DLC1: variants seen among roughly 807,000 people sequenced by gnomAD.
DLC1 encodes DLC1 Rho GTPase activating protein, also known as rho GTPase-activating protein 7.
A neutral mutation model predicts 140.3 loss-of-function variants in DLC1; 54 were observed. That is an observed-to-expected ratio of 0.38 (90% CI 0.31 to 0.48). The LOEUF (loss-of-function observed/expected upper bound fraction) is 0.48, where lower values mean the gene tolerates loss of function less well. Among genes scored for constraint, DLC1 ranks in the 20% least tolerant of loss-of-function variants. DLC1 has a pLI of 0.96. For synonymous variants in DLC1, 986 were observed against 728.1 expected, an observed-to-expected ratio of 1.35 and a Z score of -5.70; for missense variants, 2,536 against 1,907.0, an observed-to-expected ratio of 1.33 and a Z score of -6.14.
intron 5 of DLC1, among the ~76,000 whole-genome samples, chr8:13,282,325 G>T (rs118174905): frequency 1.8e-4 from 28 of 152,256 alleles, no homozygotes; most frequent in Non-Finnish European, 4.0e-4. Flanking sequence ...AAAATATTTA[G>T]CAGAGAGGTA....
chr8:13,568,164 C>A (rs1459605518), intron 1 of DLC1: 1 of 531,072 alleles, frequency 1.9e-6, no homozygotes, highest in Non-Finnish European at 3.3e-6. Flanking sequence ...GTAGTTTGGG[C>A]CAGGATGTTG....
chr8:13,382,289 C>T lies in DLC1; in HGVS notation c.1314+11264G>A, dbSNP rs1197196417. On this transcript the variant is annotated intron_variant, in intron 4 of 17. Coordinates refer to ENST00000276297, the MANE Select transcript of DLC1 (RefSeq NM_182643.3). ...TTGGGAGGCCGAGGCGGGCGGATCA[C>T]GAGGTCAGGAGATCGAGACCATCCT... is the stretch of plus-strand genomic sequence containing the variant. 2.6e-5 allele frequency among the ~76,000 whole-genome samples: 4 copies of T among 151,554 alleles called. No individual in the cohort carries two copies. In the South Asian group the frequency reaches 6.2e-4, roughly 24 times the overall value.
chr8:13,107,534 A>G (rs1322111365), intron 7 of DLC1, among the ~76,000 whole-genome samples: 2 of 152,234 alleles, frequency 1.3e-5, no homozygotes, highest in Non-Finnish European at 2.9e-5. Flanking sequence ...GGCAAAGACA[A>G]AAGTCTATAA....
intron 5 of DLC1, among the ~76,000 whole-genome samples, chr8:13,196,127 C>CGT (rs1276072097): frequency 1.9e-4 from 28 of 150,462 alleles, no homozygotes; most frequent in Non-Finnish European, 3.1e-4. Context: ...CACACACACA[C>CGT]ACGTGAACTC....
Position 13,099,544 on chromosome 8 carries a change from T to C in DLC1, c.2793A>G (p.Gly931=). 6.2e-7 allele frequency: 1 copy of C among 1,614,100 alleles called. No individual in the cohort carries two copies. The highest frequency in any genetic ancestry group is 8.5e-7 in the Non-Finnish European group (1 of 1,180,026). The change falls in exon 9 of 18, where the codon GGA becomes GGG. Residue 931 remains glycine (G), a synonymous_variant. Transcript: ENST00000276297. ...NQWSEKFSDE[G]DSDSALDSVS... Reference sequence around the variant, plus strand: ...CCGAGTCCAGGGCTGAGTCCGAATCTCCCTCATCAGAAAACTTCTCCGACC... The same window carrying C: ...CCGAGTCCAGGGCTGAGTCCGAATCCCCCTCATCAGAAAACTTCTCCGACC...
chr8:13,276,304 G>T, intron 5 of DLC1: 3 of 1,535,478 alleles, frequency 2.0e-6, no homozygotes, highest in Non-Finnish European at 2.6e-6. Context: ...ATGACATCCA[G>T]GGCTCTGGCC....
intron 4 of DLC1, among the ~76,000 whole-genome samples, chr8:13,308,612 C>T (rs1832550888): frequency 1.3e-5 from 2 of 152,148 alleles, no homozygotes; most frequent in African/African-American, 4.8e-5. Context: ...ACATGCCTCA[C>T]ATTATCCTAG....
chr8:13,214,647 A>T lies in DLC1; in HGVS notation c.1348+90622T>A, dbSNP rs767020970. ...CGGCCTAGGTGATGTTTTCTTCTCC[A>T]GCAACATGGAAAAGCCTCTTCTGGG... On this transcript the variant is annotated intron_variant, in intron 5 of 17. Transcript: ENST00000276297. 7.7e-6 allele frequency: 6 copies of T among 775,886 alleles called. No homozygotes were observed. In the South Asian group the frequency reaches 8.1e-5, roughly 10 times the overall value. 48.1% of individuals were successfully genotyped at this position (775,886 alleles called of 1,614,324 possible).
At chr8:13,178,164 T>G (rs1036115327) in intron 5 of DLC1, among the ~76,000 whole-genome samples, 2 of 151,932 alleles carry the variant, frequency 1.3e-5, no homozygotes, top group African/African-American at 4.8e-5. Context: ...AAGTGAAAAG[T>G]AAACAATATA....
chr8:13,497,762 G>A (rs1405611923), intron 2 of DLC1, among the ~76,000 whole-genome samples: 1 of 152,134 alleles, frequency 6.6e-6, no homozygotes, highest in Admixed American at 6.5e-5. Context: ...TTTTGAAAAA[G>A]TGATCTAAAC....
chr8:13,406,022 T>G lies in DLC1; in HGVS notation c.1024-4403A>C, dbSNP rs1445297144. Among the ~76,000 whole-genome samples the G allele has an allele frequency of 5.6e-5, 8 of 144,026 alleles. No individual in the cohort carries two copies. In the East Asian group the frequency reaches 5.8e-4, roughly 11 times the overall value. The allele number at this position is 144,026 out of a possible 152,430, so 94.5% of individuals were successfully genotyped here. On this transcript the variant is annotated intron_variant, in intron 2 of 17. Coordinates refer to ENST00000276297, the MANE Select transcript of DLC1 (RefSeq NM_182643.3). ...TTTATTCTTCTTCTTTTTTTTTTTTTGGGAGATGGAGTCCAGCTCTGTCTC... is the reference window on the plus strand; with the variant it reads ...TTTATTCTTCTTCTTTTTTTTTTTTGGGGAGATGGAGTCCAGCTCTGTCTC...
chr8:13,373,009 C>T (rs1009452089), intron 4 of DLC1, among the ~76,000 whole-genome samples: 4 of 152,086 alleles, frequency 2.6e-5, no homozygotes, highest in African/African-American at 9.7e-5. Flanking sequence ...ACCCAAATTA[C>T]AATTTATTTT....
intron 5 of DLC1, among the ~76,000 whole-genome samples, chr8:13,181,817 A>G (rs1180110499): frequency 6.6e-6 from 1 of 152,164 alleles, no homozygotes; most frequent in African/African-American, 2.4e-5. Context: ...GTGTCTTTAT[A>G]GTAGCATGAT....
chr8:13,101,534 G>C (rs923723330), intron 8 of DLC1, among the ~76,000 whole-genome samples: 2 of 152,154 alleles, frequency 1.3e-5, no homozygotes, highest in African/African-American at 4.8e-5. Context: ...TAAATCTCTA[G>C]ACACTAAAAA....
chr8:13,269,120 G>A (rs1338802855), intron 5 of DLC1, among the ~76,000 whole-genome samples: 1 of 151,794 alleles, frequency 6.6e-6, no homozygotes, highest in Non-Finnish European at 1.5e-5. Flanking sequence ...TGATCTGCCC[G>A]CCTCAGCCTT....
intron 5 of DLC1, among the ~76,000 whole-genome samples, chr8:13,244,349 G>A (rs955683624): frequency 3.5e-4 from 53 of 149,822 alleles, no homozygotes; most frequent in Non-Finnish European, 3.7e-4. Context: ...TCAGACTGGA[G>A]TGCAGTGGTG....
intron 2 of DLC1, among the ~76,000 whole-genome samples, chr8:13,491,314 T>G (rs1801228896): frequency 6.6e-6 from 1 of 151,918 alleles, no homozygotes; most frequent in African/African-American, 2.4e-5. Flanking sequence ...TTCTCTCCAC[T>G]CCACCCCCAA....
At chr8:13,366,545 A>G (rs1835490477) in intron 4 of DLC1, among the ~76,000 whole-genome samples, 2 of 152,240 alleles carry the variant, frequency 1.3e-5, no homozygotes, top group South Asian at 4.1e-4. Context: ...AAAGCTGGGG[A>G]AAGAACCCAG....
chr8:13,246,984 T>G (rs1458642561), intron 5 of DLC1, among the ~76,000 whole-genome samples: 3 of 151,836 alleles, frequency 2.0e-5, no homozygotes, highest in Admixed American at 6.6e-5. Context: ...CCAGACTGAG[T>G]GTCTCTCTTA....
Sources: gnomAD v4.1 joint callset for allele counts (sites outside exome capture counted in the v4.1 genomes callset) on GRCh38, gnomAD v4.1.1 for gene constraint, MANE v1.5 for transcripts, NCBI Gene and HGNC (gene_info 2026-07-23, HGNC 2026-07-21) for gene names.